The following ATP13A4 variants were observed in gnomAD, a reference collection of about 807,000 sequenced individuals.
The protein encoded by ATP13A4 is ATPase 13A4, also known as probable cation-transporting ATPase 13A4.
In ATP13A4, 114 loss-of-function variants were observed where a neutral mutation model predicts 142.5. That is an observed-to-expected ratio of 0.80 (90% CI 0.69 to 0.93). The LOEUF (loss-of-function observed/expected upper bound fraction) is 0.93. Among genes scored for constraint, ATP13A4 ranks in the 40% least tolerant of loss-of-function variants. ATP13A4 has a pLI of 0.00. For synonymous variants in ATP13A4, 488 were observed against 514.8 expected (o/e 0.95, Z 0.70); for missense variants, 1,392 against 1,454.0 (o/e 0.96, Z 0.69).
chr3:193,572,757 C>T (rs954018462), intron 2 of ATP13A4, among the ~76,000 whole-genome samples: 4 of 151,970 alleles, frequency 2.6e-5, no homozygotes, highest in African/African-American at 9.7e-5. Context: ...GACGTTAGTA[C>T]ATGCACGTGA....
Position 193,581,193 on chromosome 3 carries a change from G to T in ATP13A4, n.291+514C>A, listed in dbSNP as rs570669790. ...TGTGCAAGACTTCTTTACTGAATTA[G>T]ATAATAGTGTTCAAATACTGAAAGA... On this transcript the variant is annotated intron_variant and non_coding_transcript_variant, in intron 2 of 3. Transcript: ENST00000489140. Among the ~76,000 whole-genome samples, 3 of 152,318 alleles carry T rather than the reference G, an allele frequency of 2.0e-5. No individual in the cohort carries two copies. The East Asian group carries it at 5.8e-4, about 29-fold the overall frequency.
chr3:193,432,505 G>A (rs1716036309), intron 25 of ATP13A4, among the ~76,000 whole-genome samples: 6 of 152,076 alleles, frequency 3.9e-5, no homozygotes, highest in Admixed American at 3.9e-4. Context: ...TCCTTCGGTA[G>A]GTGAATGAAT....
At chr3:193,591,339 T>C (rs1198854167) in intron 1 of ATP13A4, among the ~76,000 whole-genome samples, 2 of 152,234 alleles carry the variant, frequency 1.3e-5, no homozygotes, top group African/African-American at 2.4e-5. Flanking sequence ...AGCCCAAATG[T>C]AGTGTTATTT....
At chr3:193,466,432 C>A (rs1009761428) in intron 10 of ATP13A4, among the ~76,000 whole-genome samples, 1 of 152,168 alleles carries the variant, frequency 6.6e-6, no homozygotes, top group Non-Finnish European at 1.5e-5. Flanking sequence ...AGAAAACCGC[C>A]GTACTGGGTG....
At chr3:193,446,917 G>T (rs1716988741) in intron 18 of ATP13A4, among the ~76,000 whole-genome samples, 1 of 152,124 alleles carries the variant, frequency 6.6e-6, no homozygotes, top group Non-Finnish European at 1.5e-5. Flanking sequence ...TAAGAAAAAA[G>T]AACAATAATT....
upstream of ATP13A4, among the ~76,000 whole-genome samples, chr3:193,559,313 G>A (rs1189579770): frequency 4.6e-5 from 7 of 152,298 alleles, no homozygotes; most frequent in South Asian, 1.2e-3. Context: ...AGAGGAACCT[G>A]AAACAAGTGC....
intron 25 of ATP13A4, among the ~76,000 whole-genome samples, chr3:193,418,489 A>G (rs1276500969): frequency 3.3e-5 from 5 of 149,706 alleles, no homozygotes; most frequent in Middle Eastern, 3.4e-3. Context: ...CCTGTAGAGC[A>G]CAGAAAACCA....
At chr3:193,525,172 T>C (rs1004361383) in intron 1 of ATP13A4, among the ~76,000 whole-genome samples, 1 of 152,142 alleles carries the variant, frequency 6.6e-6, no homozygotes. Context: ...AGGAAGAATA[T>C]AAGAATATTA....
intron 3 of ATP13A4, among the ~76,000 whole-genome samples, chr3:193,498,457 A>T (rs571296181): frequency 1.3e-5 from 2 of 152,274 alleles, no homozygotes; most frequent in Admixed American, 6.5e-5. Flanking sequence ...TCATATGTGA[A>T]TGTGAATTTC....
chr3:193,566,683 C>A (rs1310189974), intron 2 of ATP13A4, among the ~76,000 whole-genome samples: 1 of 152,188 alleles, frequency 6.6e-6, no homozygotes, highest in Non-Finnish European at 1.5e-5. Context: ...ACATTCCTCA[C>A]CCCTTTCACT....
intron 1 of ATP13A4, among the ~76,000 whole-genome samples, chr3:193,539,598 T>C (rs1225072460): frequency 6.6e-6 from 1 of 152,200 alleles, no homozygotes; most frequent in Non-Finnish European, 1.5e-5. Flanking sequence ...TGTTTCTTTC[T>C]GAGAAACCAG....
chr3:193,437,735 T>C (rs959725405), intron 23 of ATP13A4, among the ~76,000 whole-genome samples: 4 of 152,130 alleles, frequency 2.6e-5, no homozygotes, highest in Non-Finnish European at 4.4e-5. Flanking sequence ...ATCTCTATCA[T>C]TCAAATATAA....
At chr3:193,565,337 C>T (rs534740865) in intron 2 of ATP13A4, among the ~76,000 whole-genome samples, 81 of 152,276 alleles carry the variant, frequency 5.3e-4, no homozygotes, top group African/African-American at 1.8e-3. Flanking sequence ...GTGTGGCAAT[C>T]ATTTACTGTT....
In ATP13A4 at chr3:193,470,870, C is replaced by A; in HGVS notation, c.932G>T (p.Gly311Val). The A allele has an allele frequency of 6.2e-7, 1 of 1,614,094 alleles. No individual in the cohort carries two copies. The highest frequency in any genetic ancestry group is 8.5e-7 in the Non-Finnish European group (1 of 1,180,026). ...AGATGGAACTGTACCTGTCAGCATG[C>A]CTTCATCCACCACACAGCTGCCTTC... is the stretch of plus-strand genomic sequence containing the variant. The part of the protein sequence containing the change: ...LIEGSCVVDE[G>V]MLTGESIPVT... Residue 311 changes from glycine to valine, a missense_variant, in exon 9 of 30, where the codon GGC becomes GTC. Gly to Val is a moderately radical substitution (Grantham distance 109). Coordinates refer to ENST00000342695, the MANE Select transcript of ATP13A4 (RefSeq NM_032279.4).
chr3:193,469,652 A>G (rs1718504283), intron 9 of ATP13A4, among the ~76,000 whole-genome samples: 2 of 152,202 alleles, frequency 1.3e-5, no homozygotes, highest in Admixed American at 6.5e-5. Context: ...AAATTTAAAG[A>G]GTCCACTGCG....
At chr3:193,571,278 C>CAAA (rs57432082) in intron 2 of ATP13A4, among the ~76,000 whole-genome samples, 4 of 95,712 alleles carry the variant, frequency 4.2e-5, no homozygotes, top group Admixed American at 1.1e-4. Context: ...GACCTTGTCT[C>CAAA]AAAAAAAAAA....
At chr3:193,404,268 C>T (rs1560165691) in intron 29 of ATP13A4, 1 of 466,402 alleles carries the variant, frequency 2.1e-6, no homozygotes. Context: ...CACACACACA[C>T]ACACACAGAG....
chr3:193,428,014 T>A (rs1470220160), intron 25 of ATP13A4, among the ~76,000 whole-genome samples: 1 of 152,032 alleles, frequency 6.6e-6, no homozygotes, highest in Non-Finnish European at 1.5e-5. Context: ...ACCTATACAA[T>A]GGGAGAAAAT....
intron 1 of ATP13A4, chr3:193,553,548 A>G (rs1013949221): frequency 6.6e-6 from 1 of 152,272 alleles, no homozygotes; most frequent in African/African-American, 2.4e-5. Context: ...TTAAAGAAAC[A>G]AAGATGATAT....
Sources: gnomAD v4.1 joint callset for allele counts (sites outside exome capture counted in the v4.1 genomes callset) on GRCh38, gnomAD v4.1.1 for gene constraint, MANE v1.5 for transcripts, NCBI Gene and HGNC (gene_info 2026-07-23, HGNC 2026-07-21) for gene names.